The following ATG3 variants were observed in gnomAD, a reference collection of about 807,000 sequenced individuals.
ATG3 encodes the protein ubiquitin-like-conjugating enzyme ATG3.
ATG3 carries 25 observed loss-of-function variants against 50.7 expected under a neutral mutation model. That is an observed-to-expected ratio of 0.49 (90% CI 0.36 to 0.69). ATG3 has a LOEUF of 0.69. ATG3 is among the 30% of genes least tolerant of loss of function. The pLI is 0.00. For synonymous variants in ATG3, 119 were observed against 125.5 expected, an observed-to-expected ratio of 0.95 and a Z score of 0.34; for missense variants, 281 against 376.0, an observed-to-expected ratio of 0.75 and a Z score of 2.09.
intron 2 of ATG3, among the ~76,000 whole-genome samples, chr3:112,557,612 G>A (rs79223091): frequency 0.016 from 2,438 of 151,930 alleles, 51 homozygotes; most frequent in African/African-American, 0.052. Context: ...GGGAGACTCC[G>A]TCTCAAGAAA....
intron 5 of ATG3, among the ~76,000 whole-genome samples, chr3:112,547,542 T>C (rs769714845): frequency 1.1e-4 from 17 of 152,228 alleles, no homozygotes; most frequent in Non-Finnish European, 2.2e-4. Context: ...TAATAAATGG[T>C]AGTTAGCTTC....
intron 7 of ATG3, among the ~76,000 whole-genome samples, chr3:112,540,773 G>A (rs1933204140): frequency 6.6e-6 from 1 of 151,998 alleles, no homozygotes; most frequent in South Asian, 2.1e-4. Flanking sequence ...AAAAAAAAGA[G>A]GAAGATATGG....
At position 112,553,222 on chromosome 3, in the gene ATG3, T is replaced by C. The variant is rs1248252696; in HGVS notation, c.164+58A>G. ...TCCATTAACCTATTTTGCAAATTGC[T>C]ATAATTCTGAAGCCATGCATTTTAC... On this transcript the variant is annotated intron_variant, in intron 3 of 11. Transcript: ENST00000283290. 6 of 1,459,184 alleles carry C rather than the reference T, an allele frequency of 4.1e-6. No homozygotes were observed. In the East Asian group the frequency reaches 1.4e-4, roughly 33 times the overall value. The allele number at this position is 1,459,184 out of a possible 1,614,324, so 90.4% of individuals were successfully genotyped here. A position where few individuals can be genotyped will look rare whatever the true frequency, so the allele number is the denominator to read the frequency against.
At chr3:112,538,722 C>T (rs1380498375) in intron 7 of ATG3, among the ~76,000 whole-genome samples, 3 of 152,164 alleles carry the variant, frequency 2.0e-5, no homozygotes, top group Non-Finnish European at 4.4e-5. Context: ...GTTTCTGGAC[C>T]TTGTCTCTCC....
intron 6 of ATG3, among the ~76,000 whole-genome samples, chr3:112,543,742 CTT>C (rs1402471481): frequency 6.6e-6 from 1 of 152,124 alleles, no homozygotes; most frequent in African/African-American, 2.4e-5. Flanking sequence ...AAAGTCATCT[CTT>C]TTAAACTAGC....
chr3:112,546,199 C>T (rs1234570481), intron 5 of ATG3, among the ~76,000 whole-genome samples: 1 of 152,180 alleles, frequency 6.6e-6, no homozygotes, highest in African/African-American at 2.4e-5. Context: ...CTACCTATAT[C>T]TATACCTATA....
chr3:112,551,299 T>G (rs183220697), intron 3 of ATG3, among the ~76,000 whole-genome samples: 6 of 152,290 alleles, frequency 3.9e-5, no homozygotes, highest in Admixed American at 3.3e-4. Context: ...TAGTCCCAAG[T>G]GTCAAATTCA....
At position 112,545,399 on chromosome 3, in the gene ATG3, C is replaced by T. The variant is rs575222609; in HGVS notation, c.344-1293G>A. 1.2e-4 allele frequency among the ~76,000 whole-genome samples: 18 copies of T among 152,270 alleles called. No individual in the cohort carries two copies. In the South Asian group the frequency reaches 3.7e-3, roughly 32 times the overall value. ...AATAAGAAATATAGTAAAACAATAG[C>T]ATCTAAAGTTACTAAAGAAAAAACC... On this transcript the variant is annotated intron_variant, in intron 5 of 11. Transcript: ENST00000283290.
In ATG3 at chr3:112,557,316, C is replaced by T. The variant is rs140997360; in HGVS notation, c.114+1060G>A. ...TGTTGGGATTACAGGCGTGAGCCAC[C>T]ACGCCCAGCACAGAAACCATTCTTA... is the stretch of plus-strand genomic sequence containing the variant. On this transcript the variant is annotated intron_variant, in intron 2 of 11. Coordinates refer to ENST00000283290, the MANE Select transcript of ATG3 (RefSeq NM_022488.5). Among the ~76,000 whole-genome samples, 400 of 152,236 alleles carry T rather than the reference C, an allele frequency of 2.6e-3. 2 individuals are homozygous for T. The highest frequency in any genetic ancestry group is 0.01 in the Middle Eastern group (3 of 294).
In ATG3 at chr3:112,532,554, A is replaced by T. The variant is rs923357075; in HGVS notation, c.*145T>A. The T allele has an allele frequency of 5.7e-5, 28 of 493,538 alleles. No individual in the cohort carries two copies. The highest frequency in any genetic ancestry group is 5.6e-4 in the African/African-American group (28 of 49,874). 30.6% of individuals were successfully genotyped at this position (493,538 alleles called of 1,614,324 possible). ...ATTAAACAAGTAAGGCTGGTAGTGG[A>T]ACATATTTTTATTTAATGCATAAAC... On this transcript the variant is annotated 3_prime_UTR_variant, in exon 12 of 12. Transcript: ENST00000283290.
rs998178660 is a variant in ATG3, at chr3:112,552,350, T to C, written c.164+930A>G. Reference sequence around the variant, plus strand: ...TATTCAGAATATTTTAAAATATAGATTGTGAAAACTGCTAAATTGCTTAAG... The same window carrying C: ...TATTCAGAATATTTTAAAATATAGACTGTGAAAACTGCTAAATTGCTTAAG... On this transcript the variant is annotated intron_variant, in intron 3 of 11. Coordinates refer to ENST00000283290, the MANE Select transcript of ATG3 (RefSeq NM_022488.5). 2.6e-5 allele frequency among the ~76,000 whole-genome samples: 4 copies of C among 151,958 alleles called. 1 individual carries two copies. Among genetic ancestry groups the C allele is most frequent in the Non-Finnish European group, 4.4e-5 (3 of 67,968 alleles).
At chr3:112,548,423 T>A in intron 5 of ATG3, 110 bp downstream of exon 5, 1 of 954,674 alleles carries the variant, frequency 1.0e-6, no homozygotes. Flanking sequence ...GTAAGTCTAT[T>A]GGGACAAAAC....
At chr3:112,544,446 G>A (rs902846047) in intron 5 of ATG3, among the ~76,000 whole-genome samples, 2 of 152,018 alleles carry the variant, frequency 1.3e-5, no homozygotes, top group African/African-American at 4.8e-5. Flanking sequence ...ATCTGAGGTC[G>A]GAAGTTCAAG....
intron 2 of ATG3, among the ~76,000 whole-genome samples, chr3:112,556,878 A>G (rs908917255): frequency 1.4e-4 from 21 of 152,050 alleles, no homozygotes; most frequent in Non-Finnish European, 2.4e-4. Context: ...ACCCAGGGAC[A>G]CAAACACTGC....
intron 11 of ATG3, chr3:112,533,977 A>G (rs1420604567): frequency 8.7e-7 from 1 of 1,150,812 alleles, no homozygotes; most frequent in African/African-American, 1.6e-5. Context: ...AACATGTTAA[A>G]CTGGAAATGT....
At chr3:112,544,704 C>T (rs1933327391) in intron 5 of ATG3, among the ~76,000 whole-genome samples, 1 of 124,428 alleles carries the variant, frequency 8.0e-6, no homozygotes, top group Non-Finnish European at 1.8e-5. Context: ...CTACAGGACT[C>T]GTATGTACAT....
chr3:112,537,901 TAA>T lies in ATG3; in HGVS notation c.511-13_511-12del, dbSNP rs1168588605. The T allele has an allele frequency of 3.8e-6, 6 of 1,583,744 alleles. No individual in the cohort carries two copies. In the African/African-American group the frequency reaches 8.2e-5, roughly 22 times the overall value. ...TGTATCTAGGGTAGCCTGAAAATAA[TAA>T]AAGAGAAAAATTTACAACCATTAAA... On this transcript the variant is annotated splice_polypyrimidine_tract_variant and intron_variant, in intron 8 of 11. Transcript: ENST00000283290.
intron 5 of ATG3, among the ~76,000 whole-genome samples, chr3:112,547,417 T>A (rs1387486319): frequency 6.6e-6 from 1 of 152,166 alleles, no homozygotes; most frequent in Non-Finnish European, 1.5e-5. Context: ...AGAAACCCTG[T>A]TTTATTACTA....
At chr3:112,541,924 C>T (rs1401743334) in intron 6 of ATG3, 40 bp from the exon 7 acceptor site, 7 of 1,514,932 alleles carry the variant, frequency 4.6e-6, no homozygotes, top group Admixed American at 1.7e-5. Context: ...TAAGTATATA[C>T]ATTAATTTGA....
Sources: gnomAD v4.1 joint callset for allele counts (sites outside exome capture counted in the v4.1 genomes callset) on GRCh38, gnomAD v4.1.1 for gene constraint, MANE v1.5 for transcripts, NCBI Gene and HGNC (gene_info 2026-07-23, HGNC 2026-07-21) for gene names.